The following SASH1 variants were observed in gnomAD, a reference collection of about 807,000 sequenced individuals.
The protein encoded by SASH1 is SAM and SH3 domain containing 1.
Under a neutral mutation model 125.2 loss-of-function variants are expected in SASH1, and 44 were observed. The observed-to-expected ratio is 0.35, with a 90% CI of 0.28 to 0.45. SASH1 has a LOEUF of 0.45. SASH1 is among the 20% of genes least tolerant of loss of function. SASH1 has a pLI of 1.00. For missense variants in SASH1, 1,426 were observed against 1,614.5 expected, an observed-to-expected ratio of 0.88 and a Z score of 2.00; for synonymous variants, 639 against 649.1, an observed-to-expected ratio of 0.98 and a Z score of 0.24.
At chr6:148,301,213 C>A (rs1449154616) in intron 1 of SASH1, among the ~76,000 whole-genome samples, 1 of 150,620 alleles carries the variant, frequency 6.6e-6, no homozygotes, top group Non-Finnish European at 1.5e-5. Context: ...GTAATCCCAG[C>A]TACTCAGGAG....
chr6:148,195,997 C>A, the SASH1 span, among the ~76,000 whole-genome samples: 2 of 152,192 alleles, frequency 1.3e-5, no homozygotes, highest in African/African-American at 4.8e-5. Context: ...AGGCTTGGTG[C>A]TCTCTGGTTA....
chr6:148,281,868 GCCAAGATTGCA>G (rs1234143948), intron 1 of SASH1, among the ~76,000 whole-genome samples: 6 of 151,266 alleles, frequency 4.0e-5, no homozygotes, highest in African/African-American at 1.5e-4. Context: ...GTTGCAGTGA[GCCAAGATTGCA>G]CCACTGCACT....
rs35761383 is a variant in SASH1, at chr6:148,472,445, T to TA, written c.514+956dup. Among the ~76,000 whole-genome samples the TA allele has an allele frequency of 6.3e-3, 904 of 144,108 alleles. 8 individuals carry two copies. The highest frequency in any genetic ancestry group is 0.011 in the Non-Finnish European group (712 of 65,766). The allele number at this position is 144,108 out of a possible 152,430, so 94.5% of individuals were successfully genotyped here. ...GTGATTCAAAATAAACCTTGGATTC[T>TA]AAAAAAAAAAAAAACAGTCTAAAGC... On this transcript the variant is annotated intron_variant, in intron 6 of 19. Transcript: ENST00000367467.
chr6:148,512,168 G>C (rs929352281), intron 8 of SASH1, among the ~76,000 whole-genome samples: 7 of 151,934 alleles, frequency 4.6e-5, no homozygotes, highest in African/African-American at 1.5e-4. Context: ...ACAGGCACCC[G>C]CCACCACGCC....
rs183726281 is a variant in SASH1 at position 148,494,291 on chromosome 6, G to A, written c.729+6576G>A. ...CAACAACCATGACAACAAAGCACAA[G>A]ATGGGCTAGAGTCATCTTTACCGTT... is the stretch of plus-strand genomic sequence containing the variant. On this transcript the variant is annotated intron_variant, in intron 8 of 19. Coordinates refer to ENST00000367467, the MANE Select transcript of SASH1 (RefSeq NM_015278.5). Among the ~76,000 whole-genome samples, 1,048 of 152,268 alleles carry A rather than the reference G, an allele frequency of 6.9e-3. 15 individuals carry two copies. The highest frequency in any genetic ancestry group is 7.1e-3 in the Non-Finnish European group (486 of 68,020).
chr6:148,362,199 T>C (rs1040157059), intron 1 of SASH1, among the ~76,000 whole-genome samples: 2 of 151,138 alleles, frequency 1.3e-5, no homozygotes, highest in Non-Finnish European at 2.9e-5. Context: ...AGTGCTGGGA[T>C]TACAGGCGTG....
At chr6:148,403,615 C>A (rs1324426662) in intron 2 of SASH1, among the ~76,000 whole-genome samples, 1 of 152,182 alleles carries the variant, frequency 6.6e-6, no homozygotes, top group African/African-American at 2.4e-5. Flanking sequence ...ACCGCAACCT[C>A]TTCCTCCTGG....
intron 1 of SASH1, among the ~76,000 whole-genome samples, chr6:148,302,178 G>C (rs1779974936): frequency 2.6e-5 from 4 of 151,094 alleles, no homozygotes. Flanking sequence ...AGCCGGGCGT[G>C]GTGGCGGGCG....
intron 1 of SASH1, among the ~76,000 whole-genome samples, chr6:148,326,478 C>T (rs1780833883): frequency 6.8e-6 from 1 of 146,020 alleles, no homozygotes; most frequent in Non-Finnish European, 1.5e-5. Context: ...GATCTCGGCT[C>T]ACTGCAACCA....
the SASH1 span, among the ~76,000 whole-genome samples, chr6:148,257,229 C>A: frequency 1.3e-5 from 2 of 152,170 alleles, no homozygotes; most frequent in East Asian, 3.8e-4. Context: ...CGATCTTAAA[C>A]CTTATGGATT....
In SASH1 at chr6:148,462,488, C is replaced by A. The variant is rs142787703; in HGVS notation, c.387-6057C>A. Among the ~76,000 whole-genome samples, 92 of 152,130 alleles carry A rather than the reference C, an allele frequency of 6.0e-4. 1 individual carries two copies. The highest frequency in any genetic ancestry group is 2.1e-3 in the African/African-American group (88 of 41,522). On this transcript the variant is annotated intron_variant, in intron 4 of 19. Transcript: ENST00000367467. ...GTAGCTTAGACTATTTGTATATAAA[C>A]AGAAGAAGAAAAATGAGTTTGAGCC...
chr6:148,451,362 C>T (rs1459980351), intron 4 of SASH1, among the ~76,000 whole-genome samples: 1 of 152,198 alleles, frequency 6.6e-6, no homozygotes, highest in Non-Finnish European at 1.5e-5. Flanking sequence ...TAAATATCAA[C>T]ATTATAAAGA....
At chr6:148,323,290 G>A (rs149059338) in intron 1 of SASH1, among the ~76,000 whole-genome samples, 95 of 152,208 alleles carry the variant, frequency 6.2e-4, no homozygotes, top group Middle Eastern at 3.4e-3. Flanking sequence ...GATTACAGGC[G>A]TGAGCCCCAT....
At chr6:148,470,163 G>A (rs905314562) in intron 5 of SASH1, among the ~76,000 whole-genome samples, 1 of 152,226 alleles carries the variant, frequency 6.6e-6, no homozygotes, top group East Asian at 1.9e-4. Context: ...TTGCTTCAGT[G>A]TTAAGCCCAA....
chr6:148,538,827 G>T (rs1424412702), intron 16 of SASH1, among the ~76,000 whole-genome samples: 1 of 152,176 alleles, frequency 6.6e-6, no homozygotes, highest in Non-Finnish European at 1.5e-5. Context: ...GGGATGAAAA[G>T]AAAGGAAAAT....
chr6:148,294,012 T>C (rs1288448796), intron 1 of SASH1, among the ~76,000 whole-genome samples: 1 of 152,216 alleles, frequency 6.6e-6, no homozygotes, highest in Non-Finnish European at 1.5e-5. Context: ...TGAATTGCAA[T>C]TGAGACCTTG....
chr6:148,548,372 C>G lies in SASH1; in HGVS notation c.3558C>G (p.Leu1186=). Residue 1186 remains leucine, a synonymous_variant, in exon 20 of 20, where the codon CTC becomes CTG. Coordinates refer to ENST00000367467, the MANE Select transcript of SASH1 (RefSeq NM_015278.5). ...GCATTTCGTCTGTGTCAGATTGGCT[C>G]ATTTCCATCGGTCTGCCCATGTACG... ...PGCISSVSDW[L]ISIGLPMYAG... 6.2e-7 allele frequency: 1 copy of G among 1,614,220 alleles called. No individual in the cohort carries two copies. The highest frequency in any genetic ancestry group is 8.5e-7 in the Non-Finnish European group (1 of 1,180,030).
At chr6:148,354,803 C>T (rs1781865501) in intron 1 of SASH1, among the ~76,000 whole-genome samples, 1 of 152,174 alleles carries the variant, frequency 6.6e-6, no homozygotes, top group Non-Finnish European at 1.5e-5. Context: ...TGCTCTGTCA[C>T]CCAGGCTGAA....
intron 8 of SASH1, among the ~76,000 whole-genome samples, chr6:148,490,336 G>A (rs1331208812): frequency 2.6e-5 from 4 of 151,976 alleles, no homozygotes; most frequent in East Asian, 1.9e-4. Context: ...AGCCTCCCGA[G>A]TAGTTAGGAC....
Sources: allele counts gnomAD v4.1 joint callset (sites outside exome capture counted in the v4.1 genomes callset), GRCh38; gene constraint gnomAD v4.1.1; transcripts MANE v1.5; gene names NCBI Gene and HGNC (gene_info 2026-07-23, HGNC 2026-07-21).